Variants in CMSS1 observed in about 807,000 individuals in gnomAD.
CMSS1 encodes the protein protein CMSS1.
A neutral mutation model predicts 43.5 loss-of-function variants in CMSS1; 33 were observed. The observed-to-expected ratio is 0.76, with a 90% confidence interval of 0.57 to 1.01. The LOEUF is 1.01. Ranked by LOEUF, CMSS1 falls within the 50% of genes least tolerant of loss-of-function variation. The pLI is 0.00. For synonymous variants in CMSS1, 115 were observed against 117.2 expected, an observed-to-expected ratio of 0.98 and a Z score of 0.12; for missense variants, 313 against 326.4, an observed-to-expected ratio of 0.96 and a Z score of 0.32.
intron 1 of CMSS1, among the ~76,000 whole-genome samples, chr3:99,834,255 T>C (rs1194125519): frequency 1.3e-5 from 2 of 152,264 alleles, no homozygotes; most frequent in African/African-American, 4.8e-5. Context: ...TATTAGCTCA[T>C]TCTCATTAAC....
At chr3:99,925,874 C>T (rs976978945) in intron 1 of CMSS1, 1 of 985,318 alleles carries the variant, frequency 1.0e-6, no homozygotes, top group Non-Finnish European at 1.2e-6. Context: ...TTATCAGCTC[C>T]TGGCCTTGAG....
intron 2 of CMSS1, among the ~76,000 whole-genome samples, chr3:100,147,533 A>G (rs570445657): frequency 1.3e-5 from 2 of 152,176 alleles, no homozygotes; most frequent in East Asian, 3.9e-4. Flanking sequence ...TTGGCCTCCC[A>G]AAGTGCTGGG....
intron 1 of CMSS1, among the ~76,000 whole-genome samples, chr3:100,038,779 G>A (rs1348406914): frequency 4.6e-5 from 7 of 152,102 alleles, no homozygotes; most frequent in Non-Finnish European, 8.8e-5. Flanking sequence ...GAGATTACAG[G>A]TGCCAAGCCA....
intron 1 of CMSS1, among the ~76,000 whole-genome samples, chr3:100,045,621 G>C (rs556420833): frequency 1.2e-4 from 18 of 152,182 alleles, no homozygotes; most frequent in African/African-American, 4.3e-4. Context: ...GCTGCCCCCA[G>C]GTTCTTCATC....
chr3:99,922,518 G>A (rs913069774), intron 1 of CMSS1, among the ~76,000 whole-genome samples: 3 of 152,050 alleles, frequency 2.0e-5, no homozygotes, highest in African/African-American at 4.8e-5. Flanking sequence ...CTGGCACTCC[G>A]AAAAAATGCC....
intron 1 of CMSS1, among the ~76,000 whole-genome samples, chr3:100,133,116 C>T (rs1227039583): frequency 6.6e-6 from 1 of 151,940 alleles, no homozygotes; most frequent in Non-Finnish European, 1.5e-5. Context: ...ATAAATGTTA[C>T]ATATAATGAT....
rs142429734 is a variant in CMSS1, at chr3:99,939,779, A to T, written c.64+121736A>T. ...TTCTTGATACATCAGGAGACAGGGT[A>T]TTATTTCCCCAGTTTGCAGATTCCT... is the stretch of plus-strand genomic sequence containing the variant. On this transcript the variant is annotated intron_variant, in intron 1 of 9. Coordinates refer to ENST00000421999, the MANE Select transcript of CMSS1 (RefSeq NM_032359.4). Among the ~76,000 whole-genome samples the T allele has an allele frequency of 7.2e-5, 11 of 152,328 alleles. No individual in the cohort carries two copies. In the East Asian group the frequency reaches 2.1e-3, roughly 29 times the overall value.
intron 1 of CMSS1, among the ~76,000 whole-genome samples, chr3:100,051,583 A>G (rs1166388606): frequency 7.8e-6 from 1 of 127,678 alleles, no homozygotes; most frequent in Non-Finnish European, 1.6e-5. Context: ...TTCATTTCCC[A>G]CCTATGAGTG....
At position 99,849,676 on chromosome 3, in the gene CMSS1, C is replaced by T. The variant is rs745963686; in HGVS notation, c.64+31633C>T. 5.6e-6 allele frequency: 9 copies of T among 1,613,142 alleles called. No homozygotes were observed. The highest frequency in any genetic ancestry group is 3.3e-5 in the Admixed American group (2 of 59,920). ...TTTAGATAAAAATTGAGCTTTGTCT[C>T]GTTCATTAGCATACCTTCGTTCTAG... On this transcript the variant is annotated intron_variant, in intron 1 of 9. Transcript: ENST00000421999.
At chr3:100,132,760 A>G (rs1386999440) in intron 1 of CMSS1, among the ~76,000 whole-genome samples, 1 of 144,538 alleles carries the variant, frequency 6.9e-6, no homozygotes, top group Non-Finnish European at 1.5e-5. Context: ...TGGAGCTTGC[A>G]GTGAGCCGAG....
intron 1 of CMSS1, among the ~76,000 whole-genome samples, chr3:100,117,799 GT>G (rs1166755905): frequency 2.2e-4 from 28 of 126,332 alleles, no homozygotes; most frequent in African/African-American, 5.9e-4. Context: ...CAACCCAAAT[GT>G]CCATCAATGG....
chr3:100,008,404 G>A lies in CMSS1; in HGVS notation c.65-138569G>A, dbSNP rs925090756. On this transcript the variant is annotated intron_variant, in intron 1 of 9. Coordinates refer to ENST00000421999, the MANE Select transcript of CMSS1 (RefSeq NM_032359.4). ...CTAAAATTTTCCAAGATTTTCATAT[G>A]AGTTGCAGCCAGGGTACCCTTCATA... Among the ~76,000 whole-genome samples, 14 of 152,162 alleles carry A rather than the reference G, an allele frequency of 9.2e-5. 1 individual carries two copies. Among genetic ancestry groups the A allele is most frequent in the Admixed American group, 8.5e-4 (13 of 15,274 alleles).
chr3:99,875,780 G>T (rs1705482488), intron 1 of CMSS1, among the ~76,000 whole-genome samples: 1 of 152,104 alleles, frequency 6.6e-6, no homozygotes, highest in African/African-American at 2.4e-5. Context: ...CTCAATATGG[G>T]CAGGATTCAA....
chr3:100,045,167 G>C (rs1412764286), intron 1 of CMSS1, among the ~76,000 whole-genome samples: 2 of 152,224 alleles, frequency 1.3e-5, no homozygotes, highest in African/African-American at 4.8e-5. Flanking sequence ...TATATTTAAA[G>C]CTGCGAATAT....
At chr3:100,056,737 C>A (rs567350504) in intron 1 of CMSS1, among the ~76,000 whole-genome samples, 6 of 151,510 alleles carry the variant, frequency 4.0e-5, no homozygotes, top group Admixed American at 3.3e-4. Context: ...CGGTGGCTCA[C>A]GCCTGTAATC....
chr3:99,843,854 A>T (rs558941758), intron 1 of CMSS1, among the ~76,000 whole-genome samples: 2 of 152,336 alleles, frequency 1.3e-5, no homozygotes, highest in Non-Finnish European at 1.5e-5. Context: ...TCAGATCAGC[A>T]GTGGCATTAG....
At chr3:99,984,810 T>C (rs975302160) in intron 1 of CMSS1, among the ~76,000 whole-genome samples, 52 of 152,212 alleles carry the variant, frequency 3.4e-4, no homozygotes, top group African/African-American at 1.1e-3. Flanking sequence ...AAGGATCATA[T>C]TCAGCTAATG....
intron 1 of CMSS1, among the ~76,000 whole-genome samples, chr3:99,862,374 G>T (rs767562881): frequency 1.1e-4 from 16 of 152,148 alleles, no homozygotes; most frequent in Admixed American, 2.6e-4. Context: ...TGGAATGAAA[G>T]ATATGACTAC....
At chr3:99,849,139 G>T in intron 1 of CMSS1, 1 of 1,614,132 alleles carries the variant, frequency 6.2e-7, no homozygotes, top group Non-Finnish European at 8.5e-7. Flanking sequence ...GCATTTGAAG[G>T]ACAGCACAGA....
Sources: allele counts gnomAD v4.1 joint callset (sites outside exome capture counted in the v4.1 genomes callset), GRCh38; gene constraint gnomAD v4.1.1; transcripts MANE v1.5; gene names NCBI Gene and HGNC (gene_info 2026-07-23, HGNC 2026-07-21).